The following RGS6 variants were observed in gnomAD, a reference collection of about 807,000 sequenced individuals.
RGS6 encodes the protein regulator of G-protein signaling 6.
RGS6 carries 30 observed loss-of-function variants against 78.5 expected under a neutral mutation model. The ratio of observed to expected loss-of-function variants is 0.38; its 90% confidence interval spans 0.29 to 0.52. RGS6 has a LOEUF of 0.52. Ranked by LOEUF, RGS6 falls within the 20% of genes least tolerant of loss-of-function variation. The probability of loss-of-function intolerance (pLI) is 0.85; values close to 1 mark genes in which losing one functional copy is unlikely to be tolerated. For missense variants in RGS6, 495 were observed against 609.7 expected (o/e 0.81, Z 1.98); for synonymous variants, 206 against 206.0 (o/e 1.00, Z 0.00).
At chr14:72,349,364 C>T (rs2078687528) in intron 2 of RGS6, among the ~76,000 whole-genome samples, 1 of 152,102 alleles carries the variant, frequency 6.6e-6, no homozygotes, top group African/African-American at 2.4e-5. Flanking sequence ...TAACTACAGC[C>T]ATGCAGGTAC....
At chr14:72,557,551 A>G (rs1210264034) in intron 17 of RGS6, among the ~76,000 whole-genome samples, 2 of 152,066 alleles carry the variant, frequency 1.3e-5, no homozygotes, top group Non-Finnish European at 2.9e-5. Context: ...TATCCTCAGC[A>G]AGTCTCCCCC....
the RGS6 span, among the ~76,000 whole-genome samples, chr14:72,622,988 A>G: frequency 2.0e-5 from 3 of 152,258 alleles, no homozygotes; most frequent in African/African-American, 4.8e-5. Flanking sequence ...AAAATTATGC[A>G]GCTGTAGGAA....
At chr14:72,026,142 C>T (rs1002339534) in intron 2 of RGS6, among the ~76,000 whole-genome samples, 1 of 152,076 alleles carries the variant, frequency 6.6e-6, no homozygotes, top group South Asian at 2.1e-4. Context: ...CATGGTGGCT[C>T]ACACCTGTAA....
intron 4 of RGS6, among the ~76,000 whole-genome samples, chr14:72,457,084 T>TAAAAAAAAAAAAAA (rs747066432): frequency 2.4e-5 from 2 of 82,132 alleles, no homozygotes; most frequent in Non-Finnish European, 4.5e-5. Flanking sequence ...GACCTGTCTC[T>TAAAAAAAAAAAAAA]AAAAAAAAAA....
Position 72,122,455 on chromosome 14 carries a change from G to A in RGS6, c.84+157580G>A, listed in dbSNP as rs563331950. 5.9e-5 allele frequency among the ~76,000 whole-genome samples: 9 copies of A among 152,322 alleles called. No homozygotes were observed. The East Asian group carries it at 1.7e-3, about 29-fold the overall frequency. ...AAGTTTACTTGCCCAAAGTCACACA[G>A]CCAGTATGTTTTGGAGCCAGATTCA... On this transcript the variant is annotated intron_variant, in intron 2 of 17. Coordinates refer to ENST00000553525, the MANE Select transcript of RGS6 (RefSeq NM_001204424.2).
chr14:72,216,658 C>T (rs753966446), intron 2 of RGS6, among the ~76,000 whole-genome samples: 32 of 152,168 alleles, frequency 2.1e-4, no homozygotes, highest in Admixed American at 4.6e-4. Context: ...CTCAAAATGA[C>T]ACTTCCTGCC....
intron 2 of RGS6, among the ~76,000 whole-genome samples, chr14:71,998,741 T>C (rs544646092): frequency 6.6e-6 from 1 of 152,214 alleles, no homozygotes; most frequent in Admixed American, 6.5e-5. Flanking sequence ...CTGGAAGATA[T>C]CTTTATACCA....
At chr14:72,262,582 C>T (rs535045584) in intron 2 of RGS6, among the ~76,000 whole-genome samples, 1 of 152,078 alleles carries the variant, frequency 6.6e-6, no homozygotes, top group Non-Finnish European at 1.5e-5. Context: ...AATTTGGGGG[C>T]CTGGGGAGAA....
intron 2 of RGS6, among the ~76,000 whole-genome samples, chr14:72,088,073 C>T (rs1462982680): frequency 6.6e-6 from 1 of 152,068 alleles, no homozygotes; most frequent in Non-Finnish European, 1.5e-5. Context: ...AAGAGAAGAC[C>T]AGAATCTTTT....
chr14:72,012,141 G>T (rs1380957600), intron 2 of RGS6, among the ~76,000 whole-genome samples: 2 of 152,130 alleles, frequency 1.3e-5, no homozygotes, highest in Non-Finnish European at 2.9e-5. Flanking sequence ...GGATATAAGT[G>T]ATTTGATTGG....
At chr14:71,986,386 A>AT (rs1006965581) in intron 2 of RGS6, among the ~76,000 whole-genome samples, 5 of 152,202 alleles carry the variant, frequency 3.3e-5, no homozygotes, top group Non-Finnish European at 1.5e-5. Context: ...TATTGCTGCC[A>AT]TAACAAATTG....
chr14:72,037,151 G>T (rs1281344050), intron 2 of RGS6, among the ~76,000 whole-genome samples: 1 of 152,102 alleles, frequency 6.6e-6, no homozygotes, highest in South Asian at 2.1e-4. Flanking sequence ...CTAGCTAAAG[G>T]ATTGTAAATG....
At chr14:72,167,314 A>C (rs1010852291) in intron 2 of RGS6, among the ~76,000 whole-genome samples, 1 of 152,252 alleles carries the variant, frequency 6.6e-6, no homozygotes, top group African/African-American at 2.4e-5. Flanking sequence ...CATCTAAGTC[A>C]GTGAGGGAGA....
At chr14:72,138,120 C>T (rs889142056) in intron 2 of RGS6, among the ~76,000 whole-genome samples, 1 of 152,094 alleles carries the variant, frequency 6.6e-6, no homozygotes, top group Admixed American at 6.6e-5. Flanking sequence ...CAATATCACA[C>T]CTATTATAAA....
rs913300390 is a variant in RGS6, at chr14:72,476,897, T to G, written c.792+57T>G. 7.6e-6 allele frequency: 11 copies of G among 1,448,078 alleles called. No homozygotes were observed. In the Admixed American group the frequency reaches 1.7e-4, roughly 23 times the overall value. The allele number at this position is 1,448,078 out of a possible 1,614,324, so 89.7% of individuals were successfully genotyped here. A position where few individuals can be genotyped will look rare whatever the true frequency, so the allele number is the denominator to read the frequency against. ...GGAGACGTGGCCAGTTTAAAAACCC[T>G]TTCAAATGTTCAACTCTGAAGATTG... On this transcript the variant is annotated intron_variant, in intron 11 of 17. Transcript: ENST00000553525.
intron 2 of RGS6, among the ~76,000 whole-genome samples, chr14:72,280,163 A>T (rs2061347186): frequency 1.3e-5 from 2 of 151,872 alleles, no homozygotes; most frequent in African/African-American, 4.9e-5. Context: ...TTTCTTTCGA[A>T]AAAGGAAGAG....
At chr14:72,110,534 G>C (rs549833115) in intron 2 of RGS6, among the ~76,000 whole-genome samples, 1 of 152,122 alleles carries the variant, frequency 6.6e-6, no homozygotes, top group Non-Finnish European at 1.5e-5. Flanking sequence ...GGGAGGCAGC[G>C]ACATCTCTCT....
At chr14:72,512,991 C>T (rs570963993) in intron 14 of RGS6, among the ~76,000 whole-genome samples, 20 of 152,330 alleles carry the variant, frequency 1.3e-4, no homozygotes, top group African/African-American at 4.6e-4. Flanking sequence ...ACTTGAGGAT[C>T]CTGCCAACCT....
intron 2 of RGS6, among the ~76,000 whole-genome samples, chr14:72,203,035 C>T (rs964299245): frequency 1.8e-4 from 28 of 152,064 alleles, no homozygotes; most frequent in African/African-American, 5.8e-4. Flanking sequence ...CCACCACACC[C>T]GGCTAATTTT....
Sources: gnomAD v4.1 joint callset for allele counts (sites outside exome capture counted in the v4.1 genomes callset) on GRCh38, gnomAD v4.1.1 for gene constraint, MANE v1.5 for transcripts, NCBI Gene and HGNC (gene_info 2026-07-23, HGNC 2026-07-21) for gene names.